The following NARF variants were observed in gnomAD, a reference collection of about 807,000 sequenced individuals.
NARF encodes the protein iron-only hydrogenase-like protein 2.
In NARF, 41 loss-of-function variants were observed where a neutral mutation model predicts 48.0. The ratio of observed to expected loss-of-function variants is 0.85; its 90% CI spans 0.66 to 1.11. NARF has a LOEUF of 1.11. Ranked by LOEUF, NARF falls within the 50% of genes least tolerant of loss-of-function variation. The probability of loss-of-function intolerance (pLI) is 0.00; values close to 1 mark genes in which losing one functional copy is unlikely to be tolerated. For missense variants in NARF, 613 were observed against 590.2 expected, an observed-to-expected ratio of 1.04 and a Z score of -0.40; for synonymous variants, 215 against 225.5, an observed-to-expected ratio of 0.95 and a Z score of 0.42.
chr17:82,481,410 G>A (rs1032600340), intron 7 of NARF, among the ~76,000 whole-genome samples, 199 bp downstream of exon 7: 1 of 152,156 alleles, frequency 6.6e-6, no homozygotes, highest in Non-Finnish European at 1.5e-5. Flanking sequence ...CTAGCCTCCT[G>A]TCTCCTCTGT....
chr17:82,488,218 G>GA lies in NARF; in HGVS notation c.*62dup. The GA allele has an allele frequency of 6.3e-7, 1 of 1,584,458 alleles. No homozygotes were observed. Among genetic ancestry groups the GA allele is most frequent in the Non-Finnish European group, 8.6e-7 (1 of 1,163,660 alleles). ...AGAGCCAAGAGCCTCTCAGTAGAGGGAGGGGCTGCCCTGAGTGGAGTATTA... is the reference window on the plus strand; with the variant it reads ...AGAGCCAAGAGCCTCTCAGTAGAGGGAAGGGGCTGCCCTGAGTGGAGTATTA... On this transcript the variant is annotated 3_prime_UTR_variant, in exon 11 of 11. Coordinates refer to ENST00000309794, the MANE Select transcript of NARF (RefSeq NM_012336.4).
At chr17:82,480,071 G>T in intron 6 of NARF, 1 of 177,566 alleles carries the variant, frequency 5.6e-6, no homozygotes, top group East Asian at 1.4e-4. Context: ...GCTGCAACCA[G>T]GGGCGGGTTT....
chr17:82,484,875 T>G lies in NARF; in HGVS notation c.896T>G (p.Leu299Arg). 1 of 1,613,394 alleles carries G rather than the reference T, an allele frequency of 6.2e-7. No homozygotes were observed. ...RHDGASSDGH[L>R]AHIFRHAAKE... ...GATGGAGCCAGCTCAGACGGGCACC[T>G]GGCACACATCTTCAGACATGCGGCC... Residue 299 changes from leucine to arginine, a missense_variant, in exon 9 of 11, where the codon CTG (leucine) becomes CGG (arginine). Transcript: ENST00000309794.
chr17:82,478,782 G>C lies in NARF; in HGVS notation c.521-18G>C. 2 of 1,608,698 alleles carry C rather than the reference G, an allele frequency of 1.2e-6. No homozygotes were observed. The highest frequency in any genetic ancestry group is 1.7e-6 in the Non-Finnish European group (2 of 1,175,966). On this transcript the variant is annotated intron_variant, in intron 5 of 10. Coordinates refer to ENST00000309794, the MANE Select transcript of NARF (RefSeq NM_012336.4). ...AGGAAGCAGTAAGGAGCTGACCGTGGATCCCTTCTCTCCCCAGGCTGGGTC... is the reference window on the plus strand; with the variant it reads ...AGGAAGCAGTAAGGAGCTGACCGTGCATCCCTTCTCTCCCCAGGCTGGGTC...
intron 10 of NARF, among the ~76,000 whole-genome samples, chr17:82,486,537 CAAG>C (rs745887300): frequency 2.6e-5 from 4 of 152,262 alleles, no homozygotes; most frequent in East Asian, 1.9e-4. Context: ...CCAGCACTGA[CAAG>C]AGGAGGGTGA....
chr17:82,470,994 C>T (rs2043687037), intron 4 of NARF, among the ~76,000 whole-genome samples: 1 of 150,962 alleles, frequency 6.6e-6, no homozygotes, highest in Admixed American at 6.6e-5. Flanking sequence ...AAAACCCCAT[C>T]TCCACTAAAA....
At chr17:82,458,518 G>A, upstream of NARF, 1 of 389,730 alleles carries the variant, frequency 2.6e-6, no homozygotes, top group Non-Finnish European at 4.5e-6. Flanking sequence ...CGTACGTGGA[G>A]TGAGCCTGCG....
At chr17:82,478,740 C>T (rs2043891818) in intron 5 of NARF, 60 bp from the exon 6 acceptor site, 7 of 1,494,684 alleles carry the variant, frequency 4.7e-6, no homozygotes, top group Admixed American at 1.7e-5. Context: ...TTCCCTGGTG[C>T]GTTACAGGAA....
intron 2 of NARF, 50 bp from the exon 3 acceptor site, chr17:82,464,237 C>A: frequency 6.3e-7 from 1 of 1,592,388 alleles, no homozygotes; most frequent in East Asian, 2.2e-5. Flanking sequence ...TAAAGAAGCA[C>A]ATTAAAGAGT....
intron 5 of NARF, among the ~76,000 whole-genome samples, chr17:82,476,069 G>A (rs2043825331): frequency 6.6e-6 from 1 of 152,072 alleles, no homozygotes; most frequent in African/African-American, 2.4e-5. Context: ...GTGCATTGGT[G>A]TGATCTTGGC....
In NARF at chr17:82,485,791, G is replaced by A. The variant is rs936828214; in HGVS notation, c.1129+137G>A. ...CCTGAGAGCTTTGTAGGGTATGGAT[G>A]CTCCCGTGGGGCTTGTGCTGGGACA... On this transcript the variant is annotated intron_variant, in intron 10 of 10. Coordinates refer to ENST00000309794, the MANE Select transcript of NARF (RefSeq NM_012336.4). The A allele has an allele frequency of 6.1e-5, 58 of 955,224 alleles. No homozygotes were observed. In the African/African-American group the frequency reaches 8.8e-4, roughly 14 times the overall value. 59.2% of individuals were successfully genotyped at this position (955,224 alleles called of 1,614,324 possible). A position where few individuals can be genotyped will look rare whatever the true frequency, so the allele number is the denominator to read the frequency against.
rs1166337707 is a variant in NARF at position 82,490,531 on chromosome 17, C to G, written c.*2374C>G. On this transcript the variant is annotated 3_prime_UTR_variant, in exon 11 of 11. Coordinates refer to ENST00000309794, the MANE Select transcript of NARF (RefSeq NM_012336.4). Reference sequence around the variant, plus strand: ...CCTCTGATTCTGGAATAAACAGTTGCAGCGTGTCTGAGTGAATGGTTGAGT... The same window carrying G: ...CCTCTGATTCTGGAATAAACAGTTGGAGCGTGTCTGAGTGAATGGTTGAGT... 2.6e-5 allele frequency: 4 copies of G among 152,282 alleles called. No individual in the cohort carries two copies. The highest frequency in any genetic ancestry group is 2.0e-4 in the Admixed American group (3 of 15,286). The allele number at this position is 152,282 out of a possible 1,614,324, so 9.4% of individuals were successfully genotyped here. A position where few individuals can be genotyped will look rare whatever the true frequency, so the allele number is the denominator to read the frequency against.
intron 3 of NARF, 113 bp downstream of exon 3, chr17:82,464,543 C>T (rs1269425713): frequency 7.5e-7 from 1 of 1,325,004 alleles, no homozygotes; most frequent in East Asian, 2.5e-5. Context: ...CACATCTCAG[C>T]CTTTTCCTGG....
rs764833548 is a variant in NARF, at chr17:82,488,195, A to G, written c.*38A>G. 4 of 1,601,364 alleles carry G rather than the reference A, an allele frequency of 2.5e-6. No individual in the cohort carries two copies. Among genetic ancestry groups the G allele is most frequent in the Non-Finnish European group, 3.4e-6 (4 of 1,172,114 alleles). On this transcript the variant is annotated 3_prime_UTR_variant, in exon 11 of 11. Transcript: ENST00000309794. ...GCCTTCCAGCTGCTCTTGGGGCCAG[A>G]GCCAAGAGCCTCTCAGTAGAGGGAG...
chr17:82,458,796 C>T lies in NARF; in HGVS notation c.-8C>T. ...GAGGCGCCCGGCCTCCCGCCCGCCG[C>T]GCTCCAGATGAAGTGTGAGCACTGC... On this transcript the variant is annotated 5_prime_UTR_variant, in exon 1 of 11. Coordinates refer to ENST00000309794, the MANE Select transcript of NARF (RefSeq NM_012336.4). The T allele has an allele frequency of 1.4e-6, 2 of 1,462,274 alleles. No homozygotes were observed. The highest frequency in any genetic ancestry group is 9.0e-7 in the Non-Finnish European group (1 of 1,114,366). The allele number at this position is 1,462,274 out of a possible 1,614,324, so 90.6% of individuals were successfully genotyped here. A position where few individuals can be genotyped will look rare whatever the true frequency, so the allele number is the denominator to read the frequency against.
intron 7 of NARF, chr17:82,482,547 C>T (rs1039680970): frequency 7.4e-6 from 1 of 134,690 alleles, no homozygotes; most frequent in African/African-American, 3.4e-5. Flanking sequence ...TAATGTGATG[C>T]CACAGCCATA....
intron 7 of NARF, 24 bp from the exon 8 acceptor site, chr17:82,483,692 G>T (rs2044026629): frequency 6.2e-7 from 1 of 1,612,894 alleles, no homozygotes; most frequent in Non-Finnish European, 8.5e-7. Context: ...TGTCTTTTCA[G>T]TGTCTTACTT....
In NARF at chr17:82,481,121, C is replaced by G; in HGVS notation, c.679C>G (p.Pro227Ala). The change falls in exon 7 of 11, where the codon CCT becomes GCT. Residue 227 changes from proline (P) to alanine (A), a missense_variant. Coordinates refer to ENST00000309794, the MANE Select transcript of NARF (RefSeq NM_012336.4). ...GAAGATTTTCCACGTCATTGTGGCC[C>G]CTTGTTATGACAAGAAGCTGGAGGC... ...PEKIFHVIVA[P>A]CYDKKLEALQ... 1.2e-6 allele frequency: 2 copies of G among 1,614,094 alleles called. No individual in the cohort carries two copies. Among genetic ancestry groups the G allele is most frequent in the Non-Finnish European group, 1.7e-6 (2 of 1,180,020 alleles).
chr17:82,468,506 G>A, intron 3 of NARF: 1 of 429,502 alleles, frequency 2.3e-6, no homozygotes, highest in Non-Finnish European at 4.2e-6. Context: ...GGAACTGTAG[G>A]CATGCACCAC....
Sources: gnomAD v4.1 joint callset for allele counts (sites outside exome capture counted in the v4.1 genomes callset) on GRCh38, gnomAD v4.1.1 for gene constraint, MANE v1.5 for transcripts, NCBI Gene and HGNC (gene_info 2026-07-23, HGNC 2026-07-21) for gene names.